NFIX: variants seen among roughly 807,000 people sequenced by gnomAD.
NFIX encodes nuclear factor I X, also known as nuclear factor 1 X-type.
In NFIX, 2 loss-of-function variants were observed where a neutral mutation model predicts 53.3. The ratio of observed to expected loss-of-function variants is 0.04; its 90% CI spans 0.02 to 0.12. NFIX has a LOEUF of 0.12. NFIX is among the 10% of genes least tolerant of loss of function. NFIX has a pLI of 1.00. For missense variants in NFIX, 310 were observed against 674.5 expected (o/e 0.46, Z 5.99); for synonymous variants, 244 against 289.0 (o/e 0.84, Z 1.58).
At chr19:13,023,436 C>G (rs1365731504) in intron 1 of NFIX, among the ~76,000 whole-genome samples, 1 of 151,786 alleles carries the variant, frequency 6.6e-6, no homozygotes, top group Non-Finnish European at 1.5e-5. Context: ...TCCCCCTTTT[C>G]CTCCGATCAG....
At chr19:13,059,076 A>C (rs896452629) in intron 2 of NFIX, among the ~76,000 whole-genome samples, 6 of 152,216 alleles carry the variant, frequency 3.9e-5, no homozygotes, top group African/African-American at 1.2e-4. Context: ...ACACAAGCGC[A>C]TAGATCCCGG....
In NFIX at chr19:13,061,912, G is replaced by C. The variant is rs79225823; in HGVS notation, c.560-11135G>C. On this transcript the variant is annotated intron_variant, in intron 2 of 10. Transcript: ENST00000592199. ...TGGAGGTCTAACAGCAGCAAGTCTA[G>C]GATTTGGAGCCTAGGCTTCTGATTC... Among the ~76,000 whole-genome samples, 68 of 152,310 alleles carry C rather than the reference G, an allele frequency of 4.5e-4. No individual in the cohort carries two copies. In the East Asian group the frequency reaches 7.9e-3, roughly 18 times the overall value.
At chr19:13,033,193 T>C (rs2013942620) in intron 2 of NFIX, among the ~76,000 whole-genome samples, 1 of 152,206 alleles carries the variant, frequency 6.6e-6, no homozygotes, top group Admixed American at 6.5e-5. Flanking sequence ...GCCGTCGCCA[T>C]TTTAAGCATG....
At position 13,095,268 on chromosome 19, in the gene NFIX, CCA is replaced by C; in HGVS notation, c.*621_*622del. 6.6e-6 allele frequency: 1 copy of C among 151,990 alleles called. No homozygotes were observed. The highest frequency in any genetic ancestry group is 6.5e-5 in the Admixed American group (1 of 15,280). 9.4% of individuals were successfully genotyped at this position (151,990 alleles called of 1,614,324 possible). On this transcript the variant is annotated 3_prime_UTR_variant, in exon 11 of 11. Coordinates refer to ENST00000592199, the MANE Select transcript of NFIX (RefSeq NM_001365902.3). ...CCGACCAGGAGGGGGAGAGCAGCCT[CCA>C]CTTACCCCACCCCACCCTTGGGCTA...
chr19:13,008,595 C>G (rs889075485), intron 1 of NFIX, among the ~76,000 whole-genome samples: 1 of 152,200 alleles, frequency 6.6e-6, no homozygotes, highest in South Asian at 2.1e-4. Context: ...TGATCTTTCC[C>G]CACATCCCTC....
At chr19:13,004,736 T>C (rs2011920253) in intron 1 of NFIX, among the ~76,000 whole-genome samples, 1 of 151,936 alleles carries the variant, frequency 6.6e-6, no homozygotes, top group Admixed American at 6.5e-5. Flanking sequence ...CTCGCAGTCT[T>C]CTAGACTCCG....
At position 13,078,609 on chromosome 19, in the gene NFIX, C is replaced by T. The variant is rs1046851486; in HGVS notation, c.956-4C>T. On this transcript the variant is annotated splice_region_variant and splice_polypyrimidine_tract_variant and intron_variant, in intron 6 of 10. Coordinates refer to ENST00000592199, the MANE Select transcript of NFIX (RefSeq NM_001365902.3). This position sits in a 1 kb window ranked among gnomAD's most constrained non-coding sequence, Gnocchi z 4.7. ...TGCCCTGTGTTGCTGCTTCCTCCCC[C>T]CAGGCCCGGCTTCTCTAAAGAAGTC... 2.5e-6 allele frequency: 4 copies of T among 1,598,972 alleles called. No individual in the cohort carries two copies. The highest frequency in any genetic ancestry group is 4.5e-5 in the East Asian group (2 of 44,094).
rs1347318868 is a variant in NFIX, at chr19:13,089,601, CT to C, written c.1403-697del. On this transcript the variant is annotated intron_variant, in intron 9 of 10. Transcript: ENST00000592199. This position sits in a 1 kb window ranked among gnomAD's most constrained non-coding sequence, Gnocchi z 4.8. ...CCATAGGCCTGAGCCTTGCCACCCC[CT>C]GGGCCCAAGCCAGGCAGCCAGCTCC... Among the ~76,000 whole-genome samples the C allele has an allele frequency of 6.6e-6, 1 of 152,220 alleles. No homozygotes were observed. The highest frequency in any genetic ancestry group is 2.4e-5 in the African/African-American group (1 of 41,466).
rs189331321 is a variant in NFIX at position 13,072,640 on chromosome 19, G to A, written c.560-407G>A. 4.6e-5 allele frequency among the ~76,000 whole-genome samples: 7 copies of A among 152,298 alleles called. No homozygotes were observed. The highest frequency in any genetic ancestry group is 6.8e-3 in the Middle Eastern group (2 of 294). On this transcript the variant is annotated intron_variant, in intron 2 of 10. Transcript: ENST00000592199. The surrounding 1 kb of genome is among the most constrained non-coding windows in gnomAD (Gnocchi z 4.0). ...CCCTCTTTGCTCCTGACTCTTGGCC[G>A]GTGCTTCTTACCTGAGGGTGACTTT...
rs1363355208 is a variant in NFIX, at chr19:13,013,900, T to C, written c.28-11121T>C. The stretch of plus-strand genomic sequence containing the variant: ...GGCGCTATAGAAATGCAAGGAATTA[T>C]GATTTTAATAAAATTGTCTCATTTA... On this transcript the variant is annotated intron_variant, in intron 1 of 10. Transcript: ENST00000592199. The surrounding 1 kb of genome is among the most constrained non-coding windows in gnomAD (Gnocchi z 5.9). 2.6e-5 allele frequency: 4 copies of C among 152,230 alleles called. No individual in the cohort carries two copies. Among genetic ancestry groups the C allele is most frequent in the Non-Finnish European group, 1.5e-5 (1 of 68,048 alleles). 9.4% of individuals were successfully genotyped at this position (152,230 alleles called of 1,614,324 possible).
chr19:13,018,335 CGGGGGGG>C (rs59494074), intron 1 of NFIX, among the ~76,000 whole-genome samples: 4 of 11,232 alleles, frequency 3.6e-4, no homozygotes, highest in Non-Finnish European at 2.2e-4. Flanking sequence ...AAGGAAGGGG[CGGGGGGG>C]GGGGGGGGGC....
At chr19:13,085,443 AGAG>A (rs2017720738) in intron 8 of NFIX, among the ~76,000 whole-genome samples, 1 of 152,174 alleles carries the variant, frequency 6.6e-6, no homozygotes, top group Non-Finnish European at 1.5e-5. Context: ...GGACACCTGG[AGAG>A]GAGGAGTGAG....
At chr19:13,030,247 C>T (rs1021088828) in intron 2 of NFIX, among the ~76,000 whole-genome samples, 1 of 152,146 alleles carries the variant, frequency 6.6e-6, no homozygotes, top group African/African-American at 2.4e-5. Context: ...TTAGAACATC[C>T]CAGAAGAGGT....
chr19:13,075,443 C>T, intron 5 of NFIX, 92 bp from the exon 6 acceptor site: 2 of 1,389,478 alleles, frequency 1.4e-6, no homozygotes, highest in South Asian at 1.4e-5. Context: ...CCCAGAGGGC[C>T]ATCTATGCAC....
In NFIX at chr19:13,043,050, T is replaced by A. The variant is rs2014745646; in HGVS notation, c.559+17498T>A. On this transcript the variant is annotated intron_variant, in intron 2 of 10. Coordinates refer to ENST00000592199, the MANE Select transcript of NFIX (RefSeq NM_001365902.3). This position sits in a 1 kb window ranked among gnomAD's most constrained non-coding sequence, Gnocchi z 4.0. ...ACATATCGTGTACATTGCACATACA[T>A]GTCATGTCAGGATGCACTTTTACAA... Among the ~76,000 whole-genome samples, 1 of 152,110 alleles carries A rather than the reference T, an allele frequency of 6.6e-6. No homozygotes were observed. The highest frequency in any genetic ancestry group is 2.4e-5 in the African/African-American group (1 of 41,372).
Position 13,005,148 on chromosome 19 carries a change from C to T in NFIX, c.27+9284C>T, listed in dbSNP as rs998925606. Among the ~76,000 whole-genome samples, 1 of 152,174 alleles carries T rather than the reference C, an allele frequency of 6.6e-6. No homozygotes were observed. The highest frequency in any genetic ancestry group is 2.1e-4 in the South Asian group (1 of 4,826). ...GCTAAGTTCTGAGACTCCTGTCCTC[C>T]GTGGGGCTGTCTCACTAATCCTTTG... On this transcript the variant is annotated intron_variant, in intron 1 of 10. Coordinates refer to ENST00000592199, the MANE Select transcript of NFIX (RefSeq NM_001365902.3). The surrounding 1 kb of genome is among the most constrained non-coding windows in gnomAD (Gnocchi z 4.7).
In NFIX at chr19:13,090,751, G is replaced by A. The variant is rs576012747; in HGVS notation, c.1494+361G>A. On this transcript the variant is annotated intron_variant, in intron 10 of 10. Coordinates refer to ENST00000592199, the MANE Select transcript of NFIX (RefSeq NM_001365902.3). The surrounding 1 kb of genome is among the most constrained non-coding windows in gnomAD (Gnocchi z 6.6). ...CTGCCTCACTGCTTTCACCTGCCCCGACTGGAAGCCCCGGCCCCTAGCCCT... is the reference window on the plus strand; with the variant it reads ...CTGCCTCACTGCTTTCACCTGCCCCAACTGGAAGCCCCGGCCCCTAGCCCT... 6.6e-6 allele frequency among the ~76,000 whole-genome samples: 1 copy of A among 152,306 alleles called. No individual in the cohort carries two copies. Among genetic ancestry groups the A allele is most frequent in the East Asian group, 1.9e-4 (1 of 5,180 alleles).
chr19:13,060,762 TG>T lies in NFIX; in HGVS notation c.560-12278del, dbSNP rs35712689. ...TCTGCACTGCCCAGGGTCAGGGGGA[TG>T]GGGGGGTCGGCCTCACCTCGGCTAA... is the stretch of plus-strand genomic sequence containing the variant. On this transcript the variant is annotated intron_variant, in intron 2 of 10. Transcript: ENST00000592199. The surrounding 1 kb of genome is among the most constrained non-coding windows in gnomAD (Gnocchi z 4.3). Among the ~76,000 whole-genome samples the T allele has an allele frequency of 2.7e-5, 4 of 150,884 alleles. No individual in the cohort carries two copies. Among genetic ancestry groups the T allele is most frequent in the African/African-American group, 7.3e-5 (3 of 40,970 alleles).
chr19:13,003,108 G>C (rs951702492), intron 1 of NFIX, among the ~76,000 whole-genome samples: 1 of 151,968 alleles, frequency 6.6e-6, no homozygotes, highest in Non-Finnish European at 1.5e-5. Flanking sequence ...AGTTGGGGGG[G>C]GGTTTATTCC....
Sources: gnomAD v4.1 joint callset for allele counts (sites outside exome capture counted in the v4.1 genomes callset) on GRCh38, gnomAD v4.1.1 for gene constraint, Gnocchi (gnomAD v3.1) non-coding constraint, MANE v1.5 for transcripts, NCBI Gene and HGNC (gene_info 2026-07-23, HGNC 2026-07-21) for gene names.